FOXO1: variants seen among roughly 807,000 people sequenced by gnomAD.
The protein encoded by FOXO1 is forkhead box protein O1.
FOXO1 carries 6 observed loss-of-function variants against 44.1 expected under a neutral mutation model. The ratio of observed to expected loss-of-function variants is 0.14; its 90% CI spans 0.07 to 0.27. The LOEUF is 0.27. FOXO1 is among the 10% of genes least tolerant of loss of function. FOXO1 has a pLI of 1.00. For synonymous variants in FOXO1, 380 were observed against 362.7 expected, an observed-to-expected ratio of 1.05 and a Z score of -0.54; for missense variants, 737 against 888.8, an observed-to-expected ratio of 0.83 and a Z score of 2.17.
At chr13:40,587,153 T>C (rs1028276666) in intron 1 of FOXO1, among the ~76,000 whole-genome samples, 1 of 151,964 alleles carries the variant, frequency 6.6e-6, no homozygotes, top group Admixed American at 6.6e-5. Flanking sequence ...CAATGTTAAA[T>C]TGCTGAATCC....
At chr13:40,661,204 A>G (rs1447274188) in intron 1 of FOXO1, among the ~76,000 whole-genome samples, 1 of 152,140 alleles carries the variant, frequency 6.6e-6, no homozygotes, top group African/African-American at 2.4e-5. Flanking sequence ...TTAGCTGCAT[A>G]ACCCCCTCAT....
At chr13:40,643,667 C>T (rs1181464493) in intron 1 of FOXO1, among the ~76,000 whole-genome samples, 1 of 151,964 alleles carries the variant, frequency 6.6e-6, no homozygotes, top group South Asian at 2.1e-4. Flanking sequence ...GGTTTTGATT[C>T]TTTCTTTGGT....
At chr13:40,636,592 G>A (rs1040855100) in intron 1 of FOXO1, among the ~76,000 whole-genome samples, 1 of 141,380 alleles carries the variant, frequency 7.1e-6, no homozygotes, top group Non-Finnish European at 1.5e-5. Flanking sequence ...CACAATCCCA[G>A]CTCACTGCAA....
chr13:40,594,752 C>T (rs1875515051), intron 1 of FOXO1, among the ~76,000 whole-genome samples: 1 of 152,152 alleles, frequency 6.6e-6, no homozygotes, highest in Non-Finnish European at 1.5e-5. Context: ...GTGGTACAAT[C>T]ATGGCTCACT....
chr13:40,639,050 C>T (rs371399182), intron 1 of FOXO1, among the ~76,000 whole-genome samples: 14 of 152,016 alleles, frequency 9.2e-5, no homozygotes, highest in African/African-American at 3.1e-4. Flanking sequence ...AAAAATTAGC[C>T]AGGTGTGGTG....
rs370764406 is a variant in FOXO1, at chr13:40,638,389, C to T, written c.630+27194G>A. 9.6e-5 allele frequency among the ~76,000 whole-genome samples: 14 copies of T among 145,344 alleles called. No individual in the cohort carries two copies. The East Asian group carries it at 2.8e-3, about 29-fold the overall frequency. On this transcript the variant is annotated intron_variant, in intron 1 of 2. Coordinates refer to ENST00000379561, the MANE Select transcript of FOXO1 (RefSeq NM_002015.4). ...AAAGAATACATTTTTGCTTCTCCAA[C>T]AAAAAAAAAAGCTAAAATTTGTCAT...
chr13:40,600,392 G>C (rs1266305928), intron 1 of FOXO1, among the ~76,000 whole-genome samples: 1 of 152,134 alleles, frequency 6.6e-6, no homozygotes, highest in Non-Finnish European at 1.5e-5. Flanking sequence ...CTTTACCTTG[G>C]GGGGCACTCA....
In FOXO1 at chr13:40,642,824, T is replaced by C. The variant is rs577475530; in HGVS notation, c.630+22759A>G. 6.6e-5 allele frequency among the ~76,000 whole-genome samples: 10 copies of C among 152,156 alleles called. No individual in the cohort carries two copies. In the South Asian group the frequency reaches 1.7e-3, roughly 25 times the overall value. On this transcript the variant is annotated intron_variant, in intron 1 of 2. Transcript: ENST00000379561. ...GTCCGAGCTACTTCAGAGGCTGAAG[T>C]GGGAGGACTGCTTGAGCCTAGAAGG...
At chr13:40,585,600 G>A (rs1158078160) in intron 1 of FOXO1, among the ~76,000 whole-genome samples, 1 of 152,112 alleles carries the variant, frequency 6.6e-6, no homozygotes, top group African/African-American at 2.4e-5. Context: ...AGTGCAATTC[G>A]TATTTGCCCT....
chr13:40,573,651 G>A (rs111572951), intron 1 of FOXO1, among the ~76,000 whole-genome samples: 205 of 152,198 alleles, frequency 1.3e-3, no homozygotes, highest in African/African-American at 4.7e-3. Flanking sequence ...GTTGTCATAC[G>A]TTAAGACAAG....
intron 1 of FOXO1, chr13:40,620,049 T>C (rs983391950): frequency 4.5e-6 from 4 of 883,186 alleles, no homozygotes; most frequent in African/African-American, 3.3e-5. Context: ...AGCAAACCAC[T>C]AGAAGATCTG....
chr13:40,579,949 CT>C (rs1045068803), intron 1 of FOXO1, among the ~76,000 whole-genome samples: 2 of 152,182 alleles, frequency 1.3e-5, no homozygotes, highest in Non-Finnish European at 2.9e-5. Flanking sequence ...ACAGGGTGCT[CT>C]TTATTACCAA....
chr13:40,604,054 A>G (rs1011653632), intron 1 of FOXO1, among the ~76,000 whole-genome samples: 1 of 152,214 alleles, frequency 6.6e-6, no homozygotes. Context: ...GTGTCGCCAC[A>G]GAAATTTATC....
At position 40,560,322 on chromosome 13, in the gene FOXO1, G is replaced by A. The variant is rs756553520; in HGVS notation, c.1169C>T (p.Ser390Leu). ...LLSSPTSLTVSTQSSPGTMMQ... is the reference protein window; with the variant it reads ...LLSSPTSLTVLTQSSPGTMMQ... ...CATGGTGCCAGGTGAGGACTGGGTC[G>A]AAACAGTTAATGATGTTGGTGATGA... The change falls in exon 2 of 3, where the codon TCG becomes TTG. Residue 390 changes from serine (S) to leucine (L), a missense_variant. Transcript: ENST00000379561. This position sits in a 1 kb window ranked among gnomAD's most constrained non-coding sequence, Gnocchi z 5.1. 13 of 1,614,022 alleles carry A rather than the reference G, an allele frequency of 8.1e-6. No homozygotes were observed. Among genetic ancestry groups the A allele is most frequent in the Admixed American group, 1.7e-5 (1 of 60,004 alleles).
In FOXO1 at chr13:40,665,745, G is replaced by C. The variant is rs764946080; in HGVS notation, c.468C>G (p.Arg156=). ...AGQPRKSSSS[R]RNAWGNLSYA... is the part of the protein sequence containing the mutation. Reference sequence around the variant, plus strand: ...AGGACAGGTTGCCCCACGCGTTGCGGCGGGACGAGCTGCTCTTGCGCGGCT... The same window carrying C: ...AGGACAGGTTGCCCCACGCGTTGCGCCGGGACGAGCTGCTCTTGCGCGGCT... Residue 156 remains arginine (R), a synonymous_variant, in exon 1 of 3, where the codon CGC becomes CGG. Transcript: ENST00000379561. 2 of 1,425,290 alleles carry C rather than the reference G, an allele frequency of 1.4e-6. No individual in the cohort carries two copies. The highest frequency in any genetic ancestry group is 2.9e-5 in the East Asian group (1 of 34,464). The allele number at this position is 1,425,290 out of a possible 1,614,324, so 88.3% of individuals were successfully genotyped here.
intron 1 of FOXO1, among the ~76,000 whole-genome samples, chr13:40,564,137 A>C (rs1399632700): frequency 1.3e-5 from 2 of 152,196 alleles, no homozygotes; most frequent in African/African-American, 4.8e-5. Context: ...GAAGCTCTCT[A>C]ACATTCATGA....
intron 1 of FOXO1, among the ~76,000 whole-genome samples, chr13:40,607,191 A>C (rs1395566817): frequency 6.6e-6 from 1 of 152,208 alleles, no homozygotes; most frequent in Non-Finnish European, 1.5e-5. Flanking sequence ...CAGAAGGCAC[A>C]GTGCAATTCT....
Position 40,560,328 on chromosome 13 carries a change from G to A in FOXO1, c.1163C>T (p.Thr388Ile). The A allele has an allele frequency of 1.2e-6, 2 of 1,614,176 alleles. No homozygotes were observed. The highest frequency in any genetic ancestry group is 8.5e-7 in the Non-Finnish European group (1 of 1,180,040). The change falls in exon 2 of 3, where the codon ACT (threonine) becomes ATT (isoleucine). Residue 388 changes from threonine (T) to isoleucine (I), a missense_variant. This residue lies in a region of FOXO1 where 283 missense variants were observed against 278.1 expected (regional missense o/e 1.02). Transcript: ENST00000379561. This position sits in a 1 kb window ranked among gnomAD's most constrained non-coding sequence, Gnocchi z 5.1. Reference protein sequence around the residue: ...LNLLSSPTSLTVSTQSSPGTM... With the variant: ...LNLLSSPTSLIVSTQSSPGTM... ...GCCAGGTGAGGACTGGGTCGAAACA[G>A]TTAATGATGTTGGTGATGAGAGAAG...
chr13:40,602,464 C>T (rs1188810951), intron 1 of FOXO1, among the ~76,000 whole-genome samples: 2 of 151,974 alleles, frequency 1.3e-5, no homozygotes, highest in East Asian at 1.9e-4. Flanking sequence ...TCATTAATAC[C>T]GATCCCTTAG....
Sources: gnomAD v4.1 joint callset for allele counts (sites outside exome capture counted in the v4.1 genomes callset) on GRCh38, gnomAD v4.1.1 for gene constraint, gnomAD v4.1.1 regional missense constraint, Gnocchi (gnomAD v3.1) non-coding constraint, MANE v1.5 for transcripts, NCBI Gene and HGNC (gene_info 2026-07-23, HGNC 2026-07-21) for gene names.